The following CNTNAP2 variants were observed in gnomAD, a reference collection of about 807,000 sequenced individuals.
CNTNAP2 encodes contactin associated protein 2, also known as contactin-associated protein-like 2.
Under a neutral mutation model 155.2 loss-of-function variants are expected in CNTNAP2, and 98 were observed. That is an observed-to-expected ratio of 0.63 (90% CI 0.54 to 0.75). CNTNAP2 has a LOEUF of 0.75. Among genes scored for constraint, CNTNAP2 ranks in the 30% least tolerant of loss-of-function variants. The pLI is 0.00. For synonymous variants in CNTNAP2, 651 were observed against 631.2 expected (o/e 1.03, Z -0.47); for missense variants, 1,727 against 1,688.1 (o/e 1.02, Z -0.40).
intron 3 of CNTNAP2, among the ~76,000 whole-genome samples, chr7:146,917,099 T>A (rs1297909472): frequency 6.6e-6 from 1 of 152,348 alleles, no homozygotes; most frequent in African/African-American, 2.4e-5. Flanking sequence ...AGGATCAGGT[T>A]ATTTAATTTC....
chr7:147,519,480 C>G (rs142528190), intron 11 of CNTNAP2, among the ~76,000 whole-genome samples: 313 of 152,340 alleles, frequency 2.1e-3, no homozygotes, highest in African/African-American at 6.7e-3. Context: ...AATTTATCCA[C>G]AGGTTTAAGG....
chr7:146,140,448 A>G (rs1418891634), intron 1 of CNTNAP2, among the ~76,000 whole-genome samples: 1 of 152,150 alleles, frequency 6.6e-6, no homozygotes, highest in East Asian at 1.9e-4. Context: ...TCTCAGAACC[A>G]TACCATGAAG....
chr7:147,823,559 C>G (rs1427398306), intron 13 of CNTNAP2, among the ~76,000 whole-genome samples: 3 of 152,004 alleles, frequency 2.0e-5, no homozygotes, highest in Admixed American at 6.6e-5. Context: ...TAATTTTTGC[C>G]TAAAGAAGTT....
intron 20 of CNTNAP2, among the ~76,000 whole-genome samples, chr7:148,250,798 A>G (rs181393688): frequency 6.6e-6 from 1 of 152,230 alleles, no homozygotes; most frequent in East Asian, 1.9e-4. Flanking sequence ...GCCTCATTTT[A>G]CTTATTATAG....
chr7:147,566,765 C>T (rs544941665), intron 12 of CNTNAP2, among the ~76,000 whole-genome samples: 13 of 152,172 alleles, frequency 8.5e-5, no homozygotes, highest in South Asian at 2.1e-4. Context: ...AGATGAGATT[C>T]GGACAGGGAT....
At chr7:148,001,275 C>T (rs1288947077) in intron 15 of CNTNAP2, among the ~76,000 whole-genome samples, 1 of 152,162 alleles carries the variant, frequency 6.6e-6, no homozygotes, top group Non-Finnish European at 1.5e-5. Flanking sequence ...TCTTGGAGCC[C>T]CACAACTGTG....
chr7:148,396,326 G>A (rs1470236078), intron 22 of CNTNAP2, among the ~76,000 whole-genome samples: 1 of 152,182 alleles, frequency 6.6e-6, no homozygotes, highest in Non-Finnish European at 1.5e-5. Context: ...CCATTCAGAT[G>A]CTTCCTACTG....
intron 18 of CNTNAP2, among the ~76,000 whole-genome samples, chr7:148,192,943 A>C (rs1442908920): frequency 6.6e-6 from 1 of 152,216 alleles, no homozygotes; most frequent in Non-Finnish European, 1.5e-5. Context: ...CTTTCTAAAA[A>C]TTAACCTATT....
At chr7:148,051,214 G>A (rs1400428660) in intron 15 of CNTNAP2, among the ~76,000 whole-genome samples, 1 of 152,104 alleles carries the variant, frequency 6.6e-6, no homozygotes, top group Admixed American at 6.5e-5. Flanking sequence ...ATACTTTTAT[G>A]TAATTTGCTT....
intron 22 of CNTNAP2, among the ~76,000 whole-genome samples, chr7:148,399,324 C>T (rs1400112606): frequency 6.7e-6 from 1 of 148,312 alleles, no homozygotes. Flanking sequence ...AAAAATACGT[C>T]TAGCCAGGCG....
chr7:146,190,032 G>A (rs943930566), intron 1 of CNTNAP2, among the ~76,000 whole-genome samples: 6 of 151,214 alleles, frequency 4.0e-5, no homozygotes, highest in East Asian at 1.9e-4. Context: ...GAGAACATAC[G>A]TTCACAGACA....
At chr7:147,333,967 T>C (rs1795622747) in intron 9 of CNTNAP2, among the ~76,000 whole-genome samples, 1 of 152,056 alleles carries the variant, frequency 6.6e-6, no homozygotes, top group Non-Finnish European at 1.5e-5. Context: ...CAGACTTGGA[T>C]CCATGATGAG....
chr7:147,203,717 A>G (rs1802966206), intron 8 of CNTNAP2, among the ~76,000 whole-genome samples: 1 of 152,186 alleles, frequency 6.6e-6, no homozygotes, highest in Non-Finnish European at 1.5e-5. Flanking sequence ...GTACTATTGA[A>G]ACAAAAACAG....
intron 8 of CNTNAP2, among the ~76,000 whole-genome samples, chr7:147,178,390 C>CA (rs1421382641): frequency 1.1e-4 from 16 of 152,274 alleles, no homozygotes; most frequent in Admixed American, 9.8e-4. Context: ...GGCAAGGAAA[C>CA]AGTTTCTTAC....
intron 13 of CNTNAP2, among the ~76,000 whole-genome samples, chr7:147,781,798 C>T (rs1475118954): frequency 4.6e-5 from 7 of 152,040 alleles, no homozygotes; most frequent in East Asian, 2.0e-4. Context: ...CTGAGGCGGG[C>T]GGATCACGAG....
At chr7:148,054,059 G>A (rs1165782585) in intron 15 of CNTNAP2, among the ~76,000 whole-genome samples, 3 of 148,084 alleles carry the variant, frequency 2.0e-5, no homozygotes, top group Non-Finnish European at 4.4e-5. Context: ...TGCAAACTCT[G>A]CCTCCCGGGT....
intron 13 of CNTNAP2, among the ~76,000 whole-genome samples, chr7:147,751,018 G>C (rs1413524705): frequency 1.3e-5 from 2 of 151,506 alleles, no homozygotes; most frequent in East Asian, 1.9e-4. Context: ...CCAGCCCGGG[G>C]GACACAGCGA....
At chr7:146,164,919 G>A (rs1798289627) in intron 1 of CNTNAP2, among the ~76,000 whole-genome samples, 1 of 152,128 alleles carries the variant, frequency 6.6e-6, no homozygotes, top group African/African-American at 2.4e-5. Context: ...AGTTTGAAAA[G>A]ATAAGCAGTT....
chr7:147,744,300 A>G (rs5014553), intron 13 of CNTNAP2, among the ~76,000 whole-genome samples: 32,326 of 152,090 alleles, frequency 0.21, 3,625 homozygotes, highest in Middle Eastern at 0.39. Context: ...AACATTTAAA[A>G]TTAATTCAAT....
Sources: allele counts gnomAD v4.1 joint callset (sites outside exome capture counted in the v4.1 genomes callset), GRCh38; gene constraint gnomAD v4.1.1; transcripts MANE v1.5; gene names NCBI Gene and HGNC (gene_info 2026-07-23, HGNC 2026-07-21).